Variants in ROBO2 observed in about 807,000 individuals in gnomAD.
ROBO2 encodes roundabout homolog 2.
In ROBO2, 53 loss-of-function variants were observed where a neutral mutation model predicts 160.8. The observed-to-expected ratio is 0.33, with a 90% CI of 0.26 to 0.41. The LOEUF (loss-of-function observed/expected upper bound fraction) is 0.41, where lower values mean the gene tolerates loss of function less well. Ranked by LOEUF, ROBO2 falls within the 10% of genes least tolerant of loss-of-function variation. ROBO2 has a pLI of 1.00. For synonymous variants in ROBO2, 664 were observed against 611.7 expected, an observed-to-expected ratio of 1.09 and a Z score of -1.26; for missense variants, 1,577 against 1,722.4, an observed-to-expected ratio of 0.92 and a Z score of 1.49.
chr3:77,522,431 A>T (rs2090696259), intron 5 of ROBO2, among the ~76,000 whole-genome samples: 1 of 151,236 alleles, frequency 6.6e-6, no homozygotes, highest in African/African-American at 2.4e-5. Flanking sequence ...AACTAATGAA[A>T]TATAACTCAC....
chr3:77,262,663 A>G (rs535798519), intron 2 of ROBO2, among the ~76,000 whole-genome samples: 2 of 152,194 alleles, frequency 1.3e-5, no homozygotes, highest in South Asian at 2.1e-4. Flanking sequence ...AATATATGCC[A>G]AAAAAAGCTT....
intron 1 of ROBO2, among the ~76,000 whole-genome samples, chr3:77,095,970 A>G (rs1181630645): frequency 6.6e-6 from 1 of 152,080 alleles, no homozygotes; most frequent in Non-Finnish European, 1.5e-5. Context: ...TGCTTTAGAT[A>G]TCTAACACTT....
chr3:76,854,070 C>G (rs112167946), intron 2 of ROBO2, among the ~76,000 whole-genome samples: 12,401 of 75,554 alleles, frequency 0.16, 783 homozygotes, highest in South Asian at 0.21. Flanking sequence ...CTCTCTCTTT[C>G]TCTGTCTGCC....
At chr3:76,828,195 G>A (rs137947324) in intron 2 of ROBO2, among the ~76,000 whole-genome samples, 2 of 152,234 alleles carry the variant, frequency 1.3e-5, no homozygotes, top group East Asian at 3.9e-4. Flanking sequence ...GAAACTCTAT[G>A]AGTCACAGTT....
intron 2 of ROBO2, among the ~76,000 whole-genome samples, chr3:76,848,020 A>G (rs1248740500): frequency 1.3e-5 from 2 of 152,164 alleles, no homozygotes; most frequent in South Asian, 2.1e-4. Flanking sequence ...GCAATAAAAA[A>G]TCTCAGTCTG....
At chr3:76,823,577 A>G (rs2066303910) in intron 2 of ROBO2, among the ~76,000 whole-genome samples, 1 of 152,166 alleles carries the variant, frequency 6.6e-6, no homozygotes, top group African/African-American at 2.4e-5. Context: ...GATTGCTTCA[A>G]ATCAGGCCAG....
At chr3:77,609,735 ATAAT>A (rs1179072966) in intron 21 of ROBO2, among the ~76,000 whole-genome samples, 5 of 150,280 alleles carry the variant, frequency 3.3e-5, no homozygotes, top group African/African-American at 9.7e-5. Context: ...TATTTTCAGT[ATAAT>A]TAAGATATAA....
At chr3:76,553,848 A>G (rs997958641) in intron 2 of ROBO2, among the ~76,000 whole-genome samples, 1 of 152,178 alleles carries the variant, frequency 6.6e-6, no homozygotes, top group African/African-American at 2.4e-5. Context: ...ATTGTGTATC[A>G]GCCCACCATA....
At chr3:76,109,968 T>C (rs2070144800) in intron 2 of ROBO2, among the ~76,000 whole-genome samples, 1 of 151,892 alleles carries the variant, frequency 6.6e-6, no homozygotes, top group African/African-American at 2.4e-5. Flanking sequence ...TCCAGTTCCA[T>C]TCAGGTTGCT....
intron 2 of ROBO2, among the ~76,000 whole-genome samples, chr3:77,255,202 A>G (rs970584887): frequency 6.6e-6 from 1 of 152,228 alleles, no homozygotes; most frequent in Non-Finnish European, 1.5e-5. Flanking sequence ...TTGAAATCAA[A>G]TTAAGTTACA....
intron 1 of ROBO2, among the ~76,000 whole-genome samples, chr3:75,908,160 A>G (rs1448544421): frequency 6.6e-6 from 1 of 152,140 alleles, no homozygotes; most frequent in African/African-American, 2.4e-5. Flanking sequence ...TTAGGAAATA[A>G]ATGTCAGAAT....
chr3:77,470,819 C>T (rs529222834), intron 2 of ROBO2, among the ~76,000 whole-genome samples: 2 of 152,224 alleles, frequency 1.3e-5, no homozygotes, highest in African/African-American at 2.4e-5. Context: ...GGCTAGAGGT[C>T]GGTCTTCTAC....
intron 2 of ROBO2, among the ~76,000 whole-genome samples, chr3:77,203,120 G>A (rs1240664153): frequency 6.6e-6 from 1 of 152,162 alleles, no homozygotes; most frequent in Non-Finnish European, 1.5e-5. Flanking sequence ...TATGTCCAGC[G>A]AATCAATAAA....
At chr3:77,154,141 A>G (rs1484262401) in intron 2 of ROBO2, among the ~76,000 whole-genome samples, 2 of 152,088 alleles carry the variant, frequency 1.3e-5, no homozygotes, top group African/African-American at 4.8e-5. Context: ...AACTTGTGAG[A>G]ACATAATCTA....
intron 2 of ROBO2, among the ~76,000 whole-genome samples, chr3:76,529,909 C>T (rs2082135962): frequency 6.6e-6 from 1 of 152,192 alleles, no homozygotes; most frequent in African/African-American, 2.4e-5. Flanking sequence ...CTAGTATCCA[C>T]TGTTGATGTA....
chr3:76,616,538 G>A (rs1013409750), intron 2 of ROBO2, among the ~76,000 whole-genome samples: 2 of 152,158 alleles, frequency 1.3e-5, no homozygotes, highest in Admixed American at 6.5e-5. Flanking sequence ...CAGAAAAGCT[G>A]TTATACTAAC....
intron 2 of ROBO2, among the ~76,000 whole-genome samples, chr3:77,171,499 T>C (rs1357200430): frequency 6.6e-6 from 1 of 152,052 alleles, no homozygotes; most frequent in Non-Finnish European, 1.5e-5. Flanking sequence ...TTTGGGAAAT[T>C]CAAATGGACT....
chr3:77,165,082 C>T (rs1049945894), intron 2 of ROBO2, among the ~76,000 whole-genome samples: 17 of 151,972 alleles, frequency 1.1e-4, no homozygotes, highest in African/African-American at 3.1e-4. Context: ...TCATTGAGAA[C>T]GGGCCAGGAT....
chr3:76,567,963 T>C (rs1286559753), intron 2 of ROBO2, among the ~76,000 whole-genome samples: 1 of 149,784 alleles, frequency 6.7e-6, no homozygotes, highest in Non-Finnish European at 1.5e-5. Flanking sequence ...TGCAGGCACA[T>C]ACCACCACGC....
Sources: allele counts gnomAD v4.1 joint callset (sites outside exome capture counted in the v4.1 genomes callset), GRCh38; gene constraint gnomAD v4.1.1; transcripts MANE v1.5; gene names NCBI Gene and HGNC (gene_info 2026-07-23, HGNC 2026-07-21).